Variants in THBS2 observed in about 807,000 individuals in gnomAD.
THBS2 encodes thrombospondin-2.
In THBS2, 47 loss-of-function variants were observed where a neutral mutation model predicts 135.2. That is an observed-to-expected ratio of 0.35 (90% CI 0.28 to 0.44). The LOEUF (loss-of-function observed/expected upper bound fraction) is 0.44, where lower values mean the gene tolerates loss of function less well. THBS2 is among the 20% of genes least tolerant of loss of function. The probability of loss-of-function intolerance (pLI) is 1.00; values close to 1 mark genes in which losing one functional copy is unlikely to be tolerated. For missense variants in THBS2, 1,288 were observed against 1,603.1 expected, an observed-to-expected ratio of 0.80 and a Z score of 3.36; for synonymous variants, 639 against 633.8, an observed-to-expected ratio of 1.01 and a Z score of -0.12.
In THBS2 at chr6:169,216,171, A is replaced by C. The variant is rs1187325241; in HGVS notation, c.*1651T>G. On this transcript the variant is annotated 3_prime_UTR_variant, in exon 22 of 22. Transcript: ENST00000617924. ...AAGTAAAAAGTGCAGCAAAACAACA[A>C]CACAACGATCAACCTCAAAGGAAAC... 5 of 148,420 alleles carry C rather than the reference A, an allele frequency of 3.4e-5. No individual in the cohort carries two copies. Among genetic ancestry groups the C allele is most frequent in the Non-Finnish European group, 6.0e-5 (4 of 66,846 alleles). The allele number at this position is 148,420 out of a possible 1,614,324, so 9.2% of individuals were successfully genotyped here.
At position 169,232,963 on chromosome 6, in the gene THBS2, T is replaced by C; in HGVS notation, c.1706A>G (p.Asp569Gly). Reference sequence around the variant, plus strand: ...GCAGGAGCCGCATGACCAGGACCCATCGGGGAAGCTGCTGCACTGGGCTCC... The same window carrying C: ...GCAGGAGCCGCATGACCAGGACCCACCGGGGAAGCTGCTGCACTGGGCTCC... ...FPGAQCSSFP[D>G]GSWSCGSCPV... Residue 569 changes from aspartate (D) to glycine (G), a missense_variant, in exon 11 of 22, where the codon GAT becomes GGT. Coordinates refer to ENST00000617924, the MANE Select transcript of THBS2 (RefSeq NM_003247.5). 6.4e-7 allele frequency: 1 copy of C among 1,559,008 alleles called. No homozygotes were observed. The highest frequency in any genetic ancestry group is 8.7e-7 in the Non-Finnish European group (1 of 1,153,338).
At chr6:169,244,880 C>T (rs1780490908) in intron 4 of THBS2, among the ~76,000 whole-genome samples, 1 of 152,198 alleles carries the variant, frequency 6.6e-6, no homozygotes, top group Admixed American at 6.5e-5. Context: ...CTTCTCCCTG[C>T]ATTGATGATC....
Position 169,232,681 on chromosome 6 carries a change from C to T in THBS2, c.1915G>A (p.Ala639Thr). The T allele has an allele frequency of 6.2e-7, 1 of 1,606,488 alleles. No individual in the cohort carries two copies. Among genetic ancestry groups the T allele is most frequent in the Non-Finnish European group, 8.5e-7 (1 of 1,176,954 alleles). Residue 639 changes from alanine (A) to threonine (T), a missense_variant, in exon 12 of 22, where the codon GCC (alanine) becomes ACC (threonine). By Grantham distance (58) the Ala-to-Thr change is moderately conservative (BLOSUM62 0). Around this residue, in one of 2 missense-constraint regions of THBS2, gnomAD observed 874 missense variants for 1,156.1 expected, o/e 0.76. Coordinates refer to ENST00000617924, the MANE Select transcript of THBS2 (RefSeq NM_003247.5). ...TTGCGTACTTGCTTTTCCGTCTTGG[C>T]TGCTTCCAGGCCGACCCCGACGGGC... ...NQPVGVGLEA[A>T]KTEKQVCEPE...
intron 4 of THBS2, among the ~76,000 whole-genome samples, chr6:169,243,434 A>G (rs940233455): frequency 3.3e-5 from 5 of 152,214 alleles, no homozygotes; most frequent in African/African-American, 7.2e-5. Context: ...TGAAGATCCC[A>G]TCTTTGAAAT....
At chr6:169,228,767 T>C (rs1214400402) in intron 14 of THBS2, among the ~76,000 whole-genome samples, 2 of 151,938 alleles carry the variant, frequency 1.3e-5, no homozygotes, top group Non-Finnish European at 2.9e-5. Context: ...CTCCTAAAAA[T>C]ACAAAAATGA....
In THBS2 at chr6:169,216,815, C is replaced by T. The variant is rs1036223747; in HGVS notation, c.*1007G>A. 6.6e-6 allele frequency: 1 copy of T among 152,198 alleles called. No homozygotes were observed. The highest frequency in any genetic ancestry group is 2.4e-5 in the African/African-American group (1 of 41,446). 9.4% of individuals were successfully genotyped at this position (152,198 alleles called of 1,614,324 possible). On this transcript the variant is annotated 3_prime_UTR_variant, in exon 22 of 22. Transcript: ENST00000617924. ...TAAATGGAGTTGCATTCTATAGTCA[C>T]TTAATAAATATTAACAAAATATTTA...
In THBS2 at chr6:169,241,637, A is replaced by G. The variant is rs1376350850; in HGVS notation, c.891+125T>C. On this transcript the variant is annotated intron_variant, in intron 5 of 21. Coordinates refer to ENST00000617924, the MANE Select transcript of THBS2 (RefSeq NM_003247.5). This position sits in a 1 kb window ranked among gnomAD's most constrained non-coding sequence, Gnocchi z 5.5. ...AGCCCGGCAGACACCTCCCCTGTGA[A>G]CTGTGGGTTTTTACATCGAGCATGA... is the stretch of plus-strand genomic sequence containing the variant. 2.6e-5 allele frequency: 26 copies of G among 981,512 alleles called. No individual in the cohort carries two copies. The highest frequency in any genetic ancestry group is 3.8e-5 in the Non-Finnish European group (25 of 663,976). 60.8% of individuals were successfully genotyped at this position (981,512 alleles called of 1,614,324 possible).
chr6:169,220,424 G>T (rs1047840968), intron 20 of THBS2, 87 bp from the exon 21 acceptor site: 15 of 1,505,460 alleles, frequency 1.0e-5, no homozygotes, highest in Non-Finnish European at 1.4e-5. Context: ...GGTTGGCTCC[G>T]GACACAAGCT....
chr6:169,248,860 G>C lies in THBS2; in HGVS notation c.166C>G (p.Arg56Gly), dbSNP rs751099158. The C allele has an allele frequency of 6.2e-7, 1 of 1,612,100 alleles. No individual in the cohort carries two copies. Among genetic ancestry groups the C allele is most frequent in the South Asian group, 1.1e-5 (1 of 91,080 alleles). ...RGPDPGVPAY[R>G]FVRFDYIPPV... is the part of the protein sequence containing the mutation. ...GGGATGTAGTCAAAGCGCACGAAGC[G>C]GTAAGCCGGCACGCCGGGGTCGGGC... Residue 56 changes from arginine (R) to glycine (G), a missense_variant, in exon 3 of 22, where the codon CGC (arginine) becomes GGC (glycine). Arg to Gly is a moderately radical substitution (Grantham distance 125). This residue lies in a region of THBS2 where 414 missense variants were observed against 447.0 expected (regional missense o/e 0.93). Coordinates refer to ENST00000617924, the MANE Select transcript of THBS2 (RefSeq NM_003247.5).
chr6:169,223,128 G>A, intron 18 of THBS2, 120 bp downstream of exon 18: 1 of 887,270 alleles, frequency 1.1e-6, no homozygotes, highest in Non-Finnish European at 1.7e-6. Context: ...TGGAAGGATG[G>A]GGGCTTCCAG....
intron 17 of THBS2, 141 bp from the exon 18 acceptor site, chr6:169,223,616 G>A (rs1420795974): frequency 4.5e-6 from 3 of 672,264 alleles, no homozygotes; most frequent in South Asian, 3.8e-5. Flanking sequence ...GCTTTGCAGT[G>A]TTTTGTGGAT....
At position 169,222,482 on chromosome 6, in the gene THBS2, C is replaced by G. The variant is rs1438235420; in HGVS notation, c.3002-14G>C. On this transcript the variant is annotated splice_polypyrimidine_tract_variant and intron_variant, in intron 18 of 21. Transcript: ENST00000617924. ...ACTCGTCAAAACCTGGATGCAACGC[C>G]ATAAGGTTTCGTTAGAAACACCTTT... is the stretch of plus-strand genomic sequence containing the variant. 1 of 1,606,970 alleles carries G rather than the reference C, an allele frequency of 6.2e-7. No individual in the cohort carries two copies.
At chr6:169,222,163 G>A (rs1306031671) in intron 19 of THBS2, 34 bp downstream of exon 19, 7 of 1,567,824 alleles carry the variant, frequency 4.5e-6, no homozygotes, top group Non-Finnish European at 6.0e-6. Flanking sequence ...CAGTGGTGCA[G>A]AGGAGATGTG....
In THBS2 at chr6:169,237,723, G is replaced by A. The variant is rs1174872797; in HGVS notation, c.1202C>T (p.Thr401Ile). Residue 401 changes from threonine to isoleucine, a missense_variant, in exon 8 of 22, where the codon ACC becomes ATC. Physicochemically the swap from Thr to Ile is moderately conservative, Grantham distance 89. This residue lies in a region of THBS2 where 874 missense variants were observed against 1,156.1 expected (regional missense o/e 0.76). Coordinates refer to ENST00000617924, the MANE Select transcript of THBS2 (RefSeq NM_003247.5). Reference protein sequence around the residue: ...TQCSVTCGSGTQQRGRSCDVT... With the variant: ...TQCSVTCGSGIQQRGRSCDVT... ...GTCACAGGACCGGCCTCTCTGCTGG[G>A]TCCCAGAGCCACACGTCACGGAGCA... is the stretch of plus-strand genomic sequence containing the variant. 2 of 1,612,540 alleles carry A rather than the reference G, an allele frequency of 1.2e-6. No individual in the cohort carries two copies. The highest frequency in any genetic ancestry group is 1.7e-6 in the Non-Finnish European group (2 of 1,179,994).
At chr6:169,234,637 C>G in intron 10 of THBS2, 97 bp downstream of exon 10, 1 of 1,259,720 alleles carries the variant, frequency 7.9e-7, no homozygotes, top group Non-Finnish European at 1.1e-6. Flanking sequence ...ATTGATTTTT[C>G]TTTTCTGTGT....
rs13193812 is a variant in THBS2, at chr6:169,241,439, A to G, written c.891+323T>C. ...TGTATGTGTGTGTATGTGTGTGTGT[A>G]TGTGTGTGTGTGTGTGTACACTCAT... is the stretch of plus-strand genomic sequence containing the variant. On this transcript the variant is annotated intron_variant, in intron 5 of 21. Transcript: ENST00000617924. The surrounding 1 kb of genome is among the most constrained non-coding windows in gnomAD (Gnocchi z 5.5). 1.7e-3 allele frequency among the ~76,000 whole-genome samples: 214 copies of G among 124,424 alleles called. 1 individual carries two copies. The highest frequency in any genetic ancestry group is 0.016 in the Admixed American group (199 of 12,206). The allele number at this position is 124,424 out of a possible 152,430, so 81.6% of individuals were successfully genotyped here.
In THBS2 at chr6:169,217,644, T is replaced by G. The variant is rs577909429; in HGVS notation, c.*178A>C. 2.0e-3 allele frequency: 1,155 copies of G among 591,380 alleles called. 2 individuals carry two copies. Among genetic ancestry groups the G allele is most frequent in the Non-Finnish European group, 3.1e-3 (1,056 of 342,858 alleles). 36.6% of individuals were successfully genotyped at this position (591,380 alleles called of 1,614,324 possible). ...TGTTCATCTCTGAGTTCCATTGATA[T>G]TTATCCTCTGAAGGCACTTGGGTTT... On this transcript the variant is annotated 3_prime_UTR_variant, in exon 22 of 22. Transcript: ENST00000617924.
intron 18 of THBS2, 80 bp downstream of exon 18, chr6:169,223,168 T>C: frequency 7.5e-7 from 1 of 1,340,666 alleles, no homozygotes; most frequent in Non-Finnish European, 1.0e-6. Context: ...ACCTGCATGA[T>C]CTTAAAGTGC....
At position 169,248,866 on chromosome 6, in the gene THBS2, C is replaced by T. The variant is rs938791010; in HGVS notation, c.160G>A (p.Ala54Thr). ...TAGTCAAAGCGCACGAAGCGGTAAG[C>T]CGGCACGCCGGGGTCGGGCCCGCGG... The part of the protein sequence containing the change: ...QFRGPDPGVP[A>T]YRFVRFDYIP... Residue 54 changes from alanine (A) to threonine (T), a missense_variant, in exon 3 of 22, where the codon GCT becomes ACT. Ala to Thr is a moderately conservative substitution (Grantham distance 58, BLOSUM62 0). This residue lies in a region of THBS2 where 414 missense variants were observed against 447.0 expected (regional missense o/e 0.93). Coordinates refer to ENST00000617924, the MANE Select transcript of THBS2 (RefSeq NM_003247.5). The T allele has an allele frequency of 6.2e-6, 10 of 1,612,076 alleles. No individual in the cohort carries two copies. Among genetic ancestry groups the T allele is most frequent in the African/African-American group, 1.3e-5 (1 of 74,912 alleles).
Sources: gnomAD v4.1 joint callset for allele counts (sites outside exome capture counted in the v4.1 genomes callset) on GRCh38, gnomAD v4.1.1 for gene constraint, gnomAD v4.1.1 regional missense constraint, Gnocchi (gnomAD v3.1) non-coding constraint, MANE v1.5 for transcripts, NCBI Gene and HGNC (gene_info 2026-07-23, HGNC 2026-07-21) for gene names.